ARHGEF28: variants seen among roughly 807,000 people sequenced by gnomAD.
ARHGEF28 encodes the protein 190 kDa guanine nucleotide exchange factor.
Under a neutral mutation model 206.6 loss-of-function variants are expected in ARHGEF28, and 152 were observed. The observed-to-expected ratio is 0.74, with a 90% confidence interval of 0.64 to 0.84. The LOEUF is 0.84. Ranked by LOEUF, ARHGEF28 falls within the 40% of genes least tolerant of loss-of-function variation. The pLI is 0.00. For missense variants in ARHGEF28, 2,028 were observed against 2,073.2 expected (o/e 0.98, Z 0.42); for synonymous variants, 763 against 776.4 (o/e 0.98, Z 0.29).
chr5:73,809,867 A>G (rs767482195), intron 9 of ARHGEF28, among the ~76,000 whole-genome samples: 2 of 152,212 alleles, frequency 1.3e-5, no homozygotes, highest in African/African-American at 4.8e-5. Flanking sequence ...TGTATGATAT[A>G]TGGTGAAAGG....
intron 10 of ARHGEF28, among the ~76,000 whole-genome samples, chr5:73,836,696 G>C (rs1757663610): frequency 6.6e-6 from 1 of 151,966 alleles, no homozygotes; most frequent in South Asian, 2.1e-4. Flanking sequence ...TGCTTTTCTT[G>C]CTTGTGCTTT....
intron 18 of ARHGEF28, 143 bp downstream of exon 18, chr5:73,866,156 T>C (rs923493174): frequency 2.5e-6 from 2 of 810,634 alleles, no homozygotes; most frequent in African/African-American, 3.5e-5. Flanking sequence ...GATTTTTAGT[T>C]CTATAAAGTC....
chr5:73,880,516 G>A (rs1312758000), intron 22 of ARHGEF28, among the ~76,000 whole-genome samples: 1 of 152,212 alleles, frequency 6.6e-6, no homozygotes, highest in African/African-American at 2.4e-5. Context: ...CCCGTCTTCT[G>A]CGTTGCTCAC....
At chr5:73,841,004 A>G (rs183452423) in intron 11 of ARHGEF28, among the ~76,000 whole-genome samples, 106 of 152,340 alleles carry the variant, frequency 7.0e-4, no homozygotes, top group African/African-American at 2.4e-3. Context: ...GCAAAAATTA[A>G]AAAATCTAAC....
intron 26 of ARHGEF28, among the ~76,000 whole-genome samples, chr5:73,890,095 T>C (rs1352231637): frequency 6.6e-6 from 1 of 152,256 alleles, no homozygotes; most frequent in African/African-American, 2.4e-5. Flanking sequence ...CTTCCATTCC[T>C]GGAGAGTTAA....
In ARHGEF28 at chr5:73,873,040, A is replaced by G. The variant is rs376738138; in HGVS notation, c.2608A>G (p.Ile870Val). ...TEMHHIQTLF[I>V]MSEIFRKGMK... ...GATGCATCACATCCAGACCCTGTTCATCATGTCTGAGATCTTCAGGAAAGG... is the reference window on the plus strand; with the variant it reads ...GATGCATCACATCCAGACCCTGTTCGTCATGTCTGAGATCTTCAGGAAAGG... The change falls in exon 22 of 36, where the codon ATC (isoleucine) becomes GTC (valine). Residue 870 changes from isoleucine (I) to valine (V), a missense_variant. Coordinates refer to ENST00000513042, the MANE Select transcript of ARHGEF28 (RefSeq NM_001177693.2). 2.9e-5 allele frequency: 46 copies of G among 1,613,780 alleles called. No individual in the cohort carries two copies. The highest frequency in any genetic ancestry group is 3.6e-5 in the Non-Finnish European group (43 of 1,179,770).
chr5:73,809,834 T>C (rs1755738875), intron 9 of ARHGEF28, among the ~76,000 whole-genome samples: 1 of 152,212 alleles, frequency 6.6e-6, no homozygotes, highest in African/African-American at 2.4e-5. Context: ...ATGAAAGCAT[T>C]CATACTCTTA....
intron 2 of ARHGEF28, among the ~76,000 whole-genome samples, chr5:73,712,821 T>A (rs944794602): frequency 6.6e-6 from 1 of 152,196 alleles, no homozygotes; most frequent in Admixed American, 6.5e-5. Context: ...GCCCTTCTTT[T>A]AATCTTGTTT....
intron 2 of ARHGEF28, among the ~76,000 whole-genome samples, chr5:73,733,139 G>T (rs1750712390): frequency 6.6e-6 from 1 of 152,086 alleles, no homozygotes; most frequent in Non-Finnish European, 1.5e-5. Flanking sequence ...TCTCTCACCT[G>T]CCTCTCACCC....
At chr5:73,772,695 G>C (rs1416665399) in intron 4 of ARHGEF28, among the ~76,000 whole-genome samples, 1 of 152,152 alleles carries the variant, frequency 6.6e-6, no homozygotes, top group Admixed American at 6.6e-5. Context: ...GGTTTTTAAT[G>C]TTGGGGATGG....
intron 9 of ARHGEF28, among the ~76,000 whole-genome samples, chr5:73,797,141 A>G (rs937276954): frequency 2.6e-5 from 4 of 152,258 alleles, no homozygotes; most frequent in African/African-American, 9.6e-5. Context: ...ATAAATGAGC[A>G]CAACTTTAGT....
At chr5:73,794,513 AT>A in intron 8 of ARHGEF28, 59 bp downstream of exon 8, 1 of 1,343,008 alleles carries the variant, frequency 7.4e-7, no homozygotes, top group Non-Finnish European at 1.0e-6. Context: ...AGAAATGAAG[AT>A]TTAGTGGTAA....
intron 2 of ARHGEF28, among the ~76,000 whole-genome samples, chr5:73,691,039 C>G (rs1281219788): frequency 1.3e-5 from 2 of 152,036 alleles, no homozygotes; most frequent in Non-Finnish European, 1.5e-5. Context: ...AAGCAATCCT[C>G]CTGCCTCAGC....
chr5:73,824,745 G>A (rs1007517008), intron 9 of ARHGEF28, among the ~76,000 whole-genome samples: 10 of 151,766 alleles, frequency 6.6e-5, no homozygotes, highest in Non-Finnish European at 1.2e-4. Context: ...TGGGATTATA[G>A]GTGTGAGCCA....
At position 73,882,526 on chromosome 5, in the gene ARHGEF28, C is replaced by T. The variant is rs1761020495; in HGVS notation, c.2869C>T (p.His957Tyr). 2 of 1,506,674 alleles carry T rather than the reference C, an allele frequency of 1.3e-6. No homozygotes were observed. The highest frequency in any genetic ancestry group is 1.8e-6 in the Non-Finnish European group (2 of 1,116,554). The allele number at this position is 1,506,674 out of a possible 1,614,324, so 93.3% of individuals were successfully genotyped here. The part of the protein sequence containing the change: ...MKKIYGEFCC[H>Y]HKEAVNLFKE... Reference sequence around the variant, plus strand: ...GAAAATATATGGAGAATTCTGTTGCCATCATAAAGAAGCTGTTAACCTCTT... The same window carrying T: ...GAAAATATATGGAGAATTCTGTTGCTATCATAAAGAAGCTGTTAACCTCTT... The change falls in exon 23 of 36, where the codon CAT becomes TAT. Residue 957 changes from histidine (H) to tyrosine (Y), a missense_variant. This residue lies in a region of ARHGEF28 where 223 missense variants were observed against 289.9 expected (regional missense o/e 0.77). Coordinates refer to ENST00000513042, the MANE Select transcript of ARHGEF28 (RefSeq NM_001177693.2).
At chr5:73,778,958 C>A (rs1239995002) in intron 6 of ARHGEF28, among the ~76,000 whole-genome samples, 2 of 152,204 alleles carry the variant, frequency 1.3e-5, no homozygotes, top group African/African-American at 4.8e-5. Context: ...CATACTCAGT[C>A]TTCTCCAAGG....
chr5:73,904,050 G>T (rs991397486), intron 31 of ARHGEF28, 172 bp from the exon 32 acceptor site: 3 of 642,738 alleles, frequency 4.7e-6, no homozygotes, highest in Admixed American at 6.4e-5. Flanking sequence ...TCAAGTGTTT[G>T]TTTGATTCTA....
intron 1 of ARHGEF28, among the ~76,000 whole-genome samples, chr5:73,663,791 T>A (rs1394906747): frequency 6.6e-6 from 1 of 152,218 alleles, no homozygotes; most frequent in African/African-American, 2.4e-5. Context: ...GTAGGAAAGT[T>A]CTTTTTTGTT....
chr5:73,867,738 G>A (rs1759799295), intron 18 of ARHGEF28, 138 bp from the exon 19 acceptor site: 2 of 1,149,944 alleles, frequency 1.7e-6, no homozygotes, highest in Admixed American at 2.3e-5. Context: ...GATCTAGCAG[G>A]GAGACTGGTT....
Sources: allele counts gnomAD v4.1 joint callset (sites outside exome capture counted in the v4.1 genomes callset), GRCh38; gene constraint gnomAD v4.1.1; regional missense constraint gnomAD v4.1.1; transcripts MANE v1.5; gene names NCBI Gene and HGNC (gene_info 2026-07-23, HGNC 2026-07-21).